The following TBC1D23 variants were observed in gnomAD, a reference collection of about 807,000 sequenced individuals.
The protein encoded by TBC1D23 is TBC1 domain family member 23.
A neutral mutation model predicts 91.4 loss-of-function variants in TBC1D23; 55 were observed. That is an observed-to-expected ratio of 0.60 (90% CI 0.48 to 0.75). The LOEUF is 0.75. Among genes scored for constraint, TBC1D23 ranks in the 30% least tolerant of loss-of-function variants. The pLI, the probability that TBC1D23 is intolerant of heterozygous loss-of-function variation, is 0.00. For missense variants in TBC1D23, 725 were observed against 836.1 expected (o/e 0.87, Z 1.64); for synonymous variants, 289 against 281.0 (o/e 1.03, Z -0.28).
chr3:100,296,211 A>G lies in TBC1D23; in HGVS notation c.812A>G (p.Asp271Gly), dbSNP rs2067838076. ...ACTCCATCCAGTCTGAATATAGAAG[A>G]TATAGAAGACCTTTTCTCTCTGGCT... ...ENTPSSLNIE[D>G]IEDLFSLAQY... The change falls in exon 8 of 19, where the codon GAT (aspartate) becomes GGT (glycine). Residue 271 changes from aspartate (D) to glycine (G), a missense_variant. Coordinates refer to ENST00000394144, the MANE Select transcript of TBC1D23 (RefSeq NM_001199198.3). The G allele has an allele frequency of 3.7e-6, 6 of 1,607,096 alleles. No homozygotes were observed. The highest frequency in any genetic ancestry group is 5.1e-6 in the Non-Finnish European group (6 of 1,176,380).
At chr3:100,268,318 C>T (rs1408129866) in intron 1 of TBC1D23, among the ~76,000 whole-genome samples, 1 of 151,546 alleles carries the variant, frequency 6.6e-6, no homozygotes, top group Non-Finnish European at 1.5e-5. Flanking sequence ...TTGTGAATTC[C>T]ATTTAGATTA....
chr3:100,310,490 G>A lies in TBC1D23; in HGVS notation c.1501G>A (p.Val501Ile), dbSNP rs1453901063. 1.2e-6 allele frequency: 2 copies of A among 1,613,566 alleles called. No individual in the cohort carries two copies. Among genetic ancestry groups the A allele is most frequent in the Middle Eastern group, 1.6e-4 (1 of 6,076 alleles). The change falls in exon 14 of 19, where the codon GTC becomes ATC. Residue 501 changes from valine (V) to isoleucine (I), a missense_variant. By Grantham distance (29) the Val-to-Ile change is conservative. Transcript: ENST00000394144. ...TVALKTKSVNVREKVISFIEN... is the reference protein window; with the variant it reads ...TVALKTKSVNIREKVISFIEN... ...GGCTTTGAAGACAAAATCCGTTAAT[G>A]TCAGGGAAAAAGTTATCAGTTTTAT...
chr3:100,321,034 C>CT (rs1705849009), intron 18 of TBC1D23, 63 bp downstream of exon 18: 5 of 1,228,468 alleles, frequency 4.1e-6, no homozygotes, highest in Admixed American at 2.4e-5. Flanking sequence ...CTGTAGTTCA[C>CT]TATAAAGAGT....
intron 17 of TBC1D23, 133 bp downstream of exon 17, chr3:100,319,337 C>T (rs756170435): frequency 1.8e-5 from 13 of 734,096 alleles, no homozygotes; most frequent in Non-Finnish European, 2.4e-5. Flanking sequence ...ACTTGTATTA[C>T]AGGTCTTGAA....
intron 5 of TBC1D23, among the ~76,000 whole-genome samples, chr3:100,293,330 T>C (rs1050150204): frequency 6.6e-5 from 10 of 152,002 alleles, no homozygotes; most frequent in Middle Eastern, 3.2e-3. Context: ...AGATGGGATT[T>C]CACCATGTTA....
chr3:100,308,853 C>G (rs1293432565), intron 13 of TBC1D23, among the ~76,000 whole-genome samples: 2 of 152,196 alleles, frequency 1.3e-5, no homozygotes, highest in African/African-American at 2.4e-5. Flanking sequence ...AATAGGATCA[C>G]TTTTAAATGT....
intron 15 of TBC1D23, among the ~76,000 whole-genome samples, chr3:100,314,710 C>T (rs988971867): frequency 6.6e-6 from 1 of 152,124 alleles, no homozygotes. Context: ...CCCAAGAATT[C>T]GAGGCTGCAG....
intron 1 of TBC1D23, among the ~76,000 whole-genome samples, chr3:100,264,894 G>C (rs1018489505): frequency 2.0e-5 from 3 of 152,168 alleles, no homozygotes; most frequent in Admixed American, 6.5e-5. Flanking sequence ...ATGCTCTCCA[G>C]GTAACTGTGA....
At chr3:100,296,554 T>C (rs1450092010) in intron 8 of TBC1D23, among the ~76,000 whole-genome samples, 1 of 152,166 alleles carries the variant, frequency 6.6e-6, no homozygotes, top group Admixed American at 6.5e-5. Context: ...TAGTGCTTTC[T>C]TGACTTTAAA....
At chr3:100,268,942 G>A (rs866008553) in intron 1 of TBC1D23, among the ~76,000 whole-genome samples, 4 of 152,084 alleles carry the variant, frequency 2.6e-5, no homozygotes, top group Admixed American at 6.6e-5. Flanking sequence ...TATGAGAAAC[G>A]TTTTTTGTGT....
Position 100,319,148 on chromosome 3 carries a change from T to C in TBC1D23, c.1767T>C (p.Asp589=). 1.9e-6 allele frequency: 3 copies of C among 1,609,756 alleles called. No individual in the cohort carries two copies. Among genetic ancestry groups the C allele is most frequent in the Non-Finnish European group, 2.5e-6 (3 of 1,177,480 alleles). Residue 589 remains aspartate (D), a synonymous_variant, in exon 17 of 19, where the codon GAT becomes GAC. Coordinates refer to ENST00000394144, the MANE Select transcript of TBC1D23 (RefSeq NM_001199198.3). ...VNIQTWINKP[D]VKHHFPCKEV... is the part of the protein sequence containing the mutation. Reference sequence around the variant, plus strand: ...TTCAGACTTGGATAAACAAACCAGATGTCAAACATCATTTTCCTTGTAAAG... The same window carrying C: ...TTCAGACTTGGATAAACAAACCAGACGTCAAACATCATTTTCCTTGTAAAG...
chr3:100,302,735 G>A (rs1462172021), intron 11 of TBC1D23, among the ~76,000 whole-genome samples: 2 of 152,022 alleles, frequency 1.3e-5, no homozygotes, highest in African/African-American at 4.8e-5. Context: ...ACAGGCACAC[G>A]CCACCACGCT....
intron 10 of TBC1D23, among the ~76,000 whole-genome samples, 185 bp downstream of exon 10, chr3:100,299,516 GTTGT>G (rs529835990): frequency 1.2e-3 from 184 of 152,128 alleles, no homozygotes; most frequent in Middle Eastern, 0.01. Flanking sequence ...TGTTTTTGTT[GTTGT>G]TTGTTTGTTT....
At chr3:100,295,441 T>C in intron 7 of TBC1D23, 93 bp downstream of exon 7, 2 of 989,198 alleles carry the variant, frequency 2.0e-6, no homozygotes, top group Non-Finnish European at 3.0e-6. Flanking sequence ...GAGATTAGTC[T>C]AGAAGAGCTC....
At chr3:100,301,949 C>T (rs549388254) in intron 10 of TBC1D23, 118 bp from the exon 11 acceptor site, 6 of 669,148 alleles carry the variant, frequency 9.0e-6, no homozygotes, top group Non-Finnish European at 1.3e-5. Context: ...CTTTTTTTCC[C>T]CTTCATTTTC....
Position 100,299,243 on chromosome 3 carries a change from G to T in TBC1D23, c.1004G>T (p.Gly335Val), listed in dbSNP as rs367850996. 140 of 1,610,070 alleles carry T rather than the reference G, an allele frequency of 8.7e-5. No homozygotes were observed. The Middle Eastern group carries it at 1.3e-3, about 15-fold the overall frequency. Residue 335 changes from glycine (G) to valine (V), a missense_variant, in exon 10 of 19, where the codon GGA (glycine) becomes GTA (valine). Transcript: ENST00000394144. ...CAAATGTTGTTTCCGTTTTAGGAAGGAGTCCGGTTCTTTGTGGTGGATTGC... is the reference window on the plus strand; with the variant it reads ...CAAATGTTGTTTCCGTTTTAGGAAGTAGTCCGGTTCTTTGTGGTGGATTGC... ...ILQANQLQGE[G>V]VRFFVVDCRP... is the part of the protein sequence containing the mutation.
chr3:100,301,008 A>G lies in TBC1D23; in HGVS notation c.1093-1059A>G, dbSNP rs898300354. Among the ~76,000 whole-genome samples, 10 of 152,234 alleles carry G rather than the reference A, an allele frequency of 6.6e-5. No homozygotes were observed. In the South Asian group the frequency reaches 8.3e-4, roughly 13 times the overall value. On this transcript the variant is annotated intron_variant, in intron 10 of 18. Transcript: ENST00000394144. Reference sequence around the variant, plus strand: ...ATAATTTATTGCCTGATTGATGTATATGTGGGTTATTTTTTGTTTTCTTGT... The same window carrying G: ...ATAATTTATTGCCTGATTGATGTATGTGTGGGTTATTTTTTGTTTTCTTGT...
intron 10 of TBC1D23, among the ~76,000 whole-genome samples, chr3:100,300,232 G>A (rs774924861): frequency 6.6e-6 from 1 of 152,164 alleles, no homozygotes; most frequent in Non-Finnish European, 1.5e-5. Context: ...CAGGGATGGG[G>A]AACACAGGAA....
chr3:100,274,184 T>C (rs1171550916), intron 1 of TBC1D23, among the ~76,000 whole-genome samples: 1 of 152,168 alleles, frequency 6.6e-6, no homozygotes, highest in Non-Finnish European at 1.5e-5. Context: ...AGAAATAGTA[T>C]TCATGGATTC....
Sources: allele counts gnomAD v4.1 joint callset (sites outside exome capture counted in the v4.1 genomes callset), GRCh38; gene constraint gnomAD v4.1.1; transcripts MANE v1.5; gene names NCBI Gene and HGNC (gene_info 2026-07-23, HGNC 2026-07-21).